The following ZSCAN5A variants were observed in gnomAD, a reference collection of about 807,000 sequenced individuals.
The protein encoded by ZSCAN5A is zinc finger and SCAN domain-containing protein 5A.
In ZSCAN5A, 12 loss-of-function variants were observed where a neutral mutation model predicts 23.7. That is an observed-to-expected ratio of 0.51 (90% CI 0.32 to 0.82). ZSCAN5A has a LOEUF of 0.82. ZSCAN5A is among the 40% of genes least tolerant of loss of function. The pLI is 0.03. For missense variants in ZSCAN5A, 597 were observed against 617.9 expected (o/e 0.97, Z 0.36); for synonymous variants, 257 against 239.9 (o/e 1.07, Z -0.66).
rs1370823134 is a variant in ZSCAN5A, at chr19:56,268,624, TTTAA to T, written c.-127-43455_-127-43452del. On this transcript the variant is annotated intron_variant, in intron 2 of 5. Coordinates refer to ENST00000683990, the MANE Select transcript of ZSCAN5A (RefSeq NM_001322064.3). ...CACATTTTTCTACATTTAAAACTTT[TTTAA>T]TTGAGGTAAAATTCATATGATATAA... 2.6e-4 allele frequency among the ~76,000 whole-genome samples: 40 copies of T among 152,360 alleles called. No individual in the cohort carries two copies. The Middle Eastern group carries it at 0.01, about 39-fold the overall frequency.
intron 2 of ZSCAN5A, chr19:56,246,417 A>T (rs1465517807): frequency 1.8e-6 from 1 of 563,518 alleles, no homozygotes; most frequent in Non-Finnish European, 3.2e-6. Context: ...TAGACAGGGA[A>T]GAAAACACGG....
chr19:56,249,257 T>G (rs2036175114), intron 2 of ZSCAN5A, among the ~76,000 whole-genome samples: 1 of 152,126 alleles, frequency 6.6e-6, no homozygotes, highest in Non-Finnish European at 1.5e-5. Context: ...CCTTAGAGTT[T>G]GCATTGAAAA....
At chr19:56,275,636 A>G (rs2038192173) in intron 2 of ZSCAN5A, among the ~76,000 whole-genome samples, 2 of 152,216 alleles carry the variant, frequency 1.3e-5, no homozygotes, top group South Asian at 4.1e-4. Flanking sequence ...GAGTGTGATG[A>G]CCACAGATTC....
In ZSCAN5A at chr19:56,271,854, T is replaced by C. The variant is rs80162953; in HGVS notation, c.-128+41429A>G. On this transcript the variant is annotated intron_variant, in intron 2 of 5. Transcript: ENST00000683990. Reference sequence around the variant, plus strand: ...CCTTTATTCCAGGAGTCCAGAGGGATACTGGGTCAAGTTCATATTCCCACT... The same window carrying C: ...CCTTTATTCCAGGAGTCCAGAGGGACACTGGGTCAAGTTCATATTCCCACT... 4.7e-3 allele frequency among the ~76,000 whole-genome samples: 717 copies of C among 152,330 alleles called. 10 individuals carry two copies. The highest frequency in any genetic ancestry group is 0.016 in the African/African-American group (677 of 41,568).
intron 2 of ZSCAN5A, chr19:56,284,205 A>C (rs903263078): frequency 6.1e-6 from 6 of 984,998 alleles, no homozygotes; most frequent in Non-Finnish European, 7.2e-6. Flanking sequence ...CAGGGATCAT[A>C]GGTAAGTACC....
intron 2 of ZSCAN5A, among the ~76,000 whole-genome samples, chr19:56,344,909 C>CAAAAAAAAAA (rs1019131536): frequency 1.6e-3 from 30 of 18,996 alleles, no homozygotes; most frequent in Admixed American, 2.8e-3. Context: ...GACTCCGTCT[C>CAAAAAAAAAA]AAAAAAAAAA....
At chr19:56,274,061 T>C (rs565266376) in intron 2 of ZSCAN5A, among the ~76,000 whole-genome samples, 82 of 152,296 alleles carry the variant, frequency 5.4e-4, no homozygotes, top group Non-Finnish European at 1.1e-3. Context: ...ATGGGTCAGA[T>C]GCTGGTGGTT....
At chr19:56,335,295 A>T (rs559594491) in intron 2 of ZSCAN5A, among the ~76,000 whole-genome samples, 1 of 152,316 alleles carries the variant, frequency 6.6e-6, no homozygotes, top group African/African-American at 2.4e-5. Context: ...GAAATATGGG[A>T]TTGTGTAAAG....
intron 2 of ZSCAN5A, chr19:56,342,401 T>G (rs2041599914): frequency 7.2e-6 from 2 of 275,894 alleles, no homozygotes; most frequent in Non-Finnish European, 1.5e-5. Flanking sequence ...ACCCTTAGTT[T>G]AGTAAAAGAA....
At chr19:56,250,367 G>A (rs1364561903) in intron 2 of ZSCAN5A, among the ~76,000 whole-genome samples, 1 of 152,226 alleles carries the variant, frequency 6.6e-6, no homozygotes, top group Non-Finnish European at 1.5e-5. Context: ...AACCACTGGT[G>A]TACAGTATAA....
At chr19:56,291,404 T>A (rs554659921) in intron 2 of ZSCAN5A, among the ~76,000 whole-genome samples, 120 of 152,292 alleles carry the variant, frequency 7.9e-4, no homozygotes, top group African/African-American at 2.8e-3. Flanking sequence ...CAAAGAAGCA[T>A]CTCGAGTCAC....
At chr19:56,304,452 C>G (rs1346921890) in intron 2 of ZSCAN5A, among the ~76,000 whole-genome samples, 1 of 152,176 alleles carries the variant, frequency 6.6e-6, no homozygotes, top group Non-Finnish European at 1.5e-5. Flanking sequence ...GCCAGGGAGG[C>G]CACTCAACCT....
chr19:56,292,664 A>G (rs767509047), intron 2 of ZSCAN5A, among the ~76,000 whole-genome samples: 14 of 151,900 alleles, frequency 9.2e-5, no homozygotes, highest in Non-Finnish European at 1.5e-4. Context: ...CTGACTCCAG[A>G]ACTTTATAAT....
chr19:56,221,800 G>A lies in ZSCAN5A; in HGVS notation c.1266C>T (p.Thr422=). Residue 422 remains threonine, a synonymous_variant, in exon 6 of 6, where the codon ACC becomes ACT. Coordinates refer to ENST00000683990, the MANE Select transcript of ZSCAN5A (RefSeq NM_001322064.3). ...TGTGACACTTCAAGTAGGACTTCTG[G>A]GTGAACTGCTTCTGGCAGACGTCAC... The part of the protein sequence containing the change: ...YTCDVCQKQF[T]QKSYLKCHKR... 6.2e-7 allele frequency: 1 copy of A among 1,614,036 alleles called. No individual in the cohort carries two copies. Among genetic ancestry groups the A allele is most frequent in the Non-Finnish European group, 8.5e-7 (1 of 1,179,918 alleles).
intron 2 of ZSCAN5A, among the ~76,000 whole-genome samples, chr19:56,271,140 C>T (rs893136922): frequency 6.6e-6 from 1 of 152,168 alleles, no homozygotes; most frequent in Non-Finnish European, 1.5e-5. Context: ...GATGGAAAAT[C>T]GAAACGTAGG....
chr19:56,264,979 A>G (rs532231457), intron 2 of ZSCAN5A, among the ~76,000 whole-genome samples: 1 of 152,052 alleles, frequency 6.6e-6, no homozygotes, highest in Admixed American at 6.6e-5. Flanking sequence ...AAAATTAGCC[A>G]GGTGTGGTGG....
chr19:56,368,054 G>A (rs1158259053), intron 1 of ZSCAN5A: 1 of 152,344 alleles, frequency 6.6e-6, no homozygotes, highest in African/African-American at 2.4e-5. Context: ...GCAACCGCTT[G>A]ATTCTCTGCG....
chr19:56,340,106 A>C (rs978152994), intron 2 of ZSCAN5A, among the ~76,000 whole-genome samples: 2 of 151,982 alleles, frequency 1.3e-5, no homozygotes, highest in African/African-American at 4.8e-5. Flanking sequence ...ATTGGATTCC[A>C]TTTGGATTTC....
At chr19:56,271,080 T>C (rs1373812678) in intron 2 of ZSCAN5A, among the ~76,000 whole-genome samples, 1 of 152,246 alleles carries the variant, frequency 6.6e-6, no homozygotes, top group African/African-American at 2.4e-5. Flanking sequence ...TGTGATTATA[T>C]TTGATAAAGC....
Sources: allele counts gnomAD v4.1 joint callset (sites outside exome capture counted in the v4.1 genomes callset), GRCh38; gene constraint gnomAD v4.1.1; transcripts MANE v1.5; gene names NCBI Gene and HGNC (gene_info 2026-07-23, HGNC 2026-07-21).